Variants in ABCG4 observed in about 807,000 individuals in gnomAD.
The protein encoded by ABCG4 is ATP binding cassette subfamily G member 4, also known as ATP-binding cassette sub-family G member 4.
A neutral mutation model predicts 64.6 loss-of-function variants in ABCG4; 35 were observed. The ratio of observed to expected loss-of-function variants is 0.54; its 90% CI spans 0.41 to 0.72. The LOEUF (loss-of-function observed/expected upper bound fraction) is 0.72, where lower values mean the gene tolerates loss of function less well. Ranked by LOEUF, ABCG4 falls within the 30% of genes least tolerant of loss-of-function variation. ABCG4 has a pLI of 0.00. For missense variants in ABCG4, 610 were observed against 846.3 expected, an observed-to-expected ratio of 0.72 and a Z score of 3.46; for synonymous variants, 326 against 348.2, an observed-to-expected ratio of 0.94 and a Z score of 0.71.
At position 119,158,552 on chromosome 11, in the gene ABCG4, C is replaced by A. The variant is rs758899125; in HGVS notation, c.1168-5C>A. Reference sequence around the variant, plus strand: ...ATCCCTCTCCTGGTGATGACCCCTCCCAAGGTCCTGACCCACCTACGGTTC... The same window carrying A: ...ATCCCTCTCCTGGTGATGACCCCTCACAAGGTCCTGACCCACCTACGGTTC... On this transcript the variant is annotated splice_region_variant and splice_polypyrimidine_tract_variant and intron_variant, in intron 10 of 14. Transcript: ENST00000619701. The surrounding 1 kb of genome is among the most constrained non-coding windows in gnomAD (Gnocchi z 4.5). The A allele has an allele frequency of 6.2e-7, 1 of 1,614,094 alleles. No individual in the cohort carries two copies. The highest frequency in any genetic ancestry group is 1.3e-5 in the African/African-American group (1 of 74,940).
At position 119,156,322 on chromosome 11, in the gene ABCG4, T is replaced by C; in HGVS notation, c.687-7T>C. The C allele has an allele frequency of 6.2e-7, 1 of 1,614,194 alleles. No homozygotes were observed. The highest frequency in any genetic ancestry group is 8.5e-7 in the Non-Finnish European group (1 of 1,180,022). On this transcript the variant is annotated splice_polypyrimidine_tract_variant and splice_region_variant and intron_variant, in intron 6 of 14. Coordinates refer to ENST00000619701, the MANE Select transcript of ABCG4 (RefSeq NM_022169.5). This position sits in a 1 kb window ranked among gnomAD's most constrained non-coding sequence, Gnocchi z 5.5. ...ACGTGGCCCCCTGGTGGCCTCTCTCTGGACAGTGGTCTGGATAGCGCCTCT... is the reference window on the plus strand; with the variant it reads ...ACGTGGCCCCCTGGTGGCCTCTCTCCGGACAGTGGTCTGGATAGCGCCTCT...
At position 119,151,322 on chromosome 11, in the gene ABCG4, A is replaced by G. The variant is rs115010014; in HGVS notation, c.238+1119A>G. On this transcript the variant is annotated intron_variant, in intron 2 of 14. Transcript: ENST00000619701. Reference sequence around the variant, plus strand: ...TTCCATGTGCCAGCCACAGATTGATATCCCTCACCTGGCCCTTCCCTCCTT... The same window carrying G: ...TTCCATGTGCCAGCCACAGATTGATGTCCCTCACCTGGCCCTTCCCTCCTT... Among the ~76,000 whole-genome samples, 914 of 152,238 alleles carry G rather than the reference A, an allele frequency of 6.0e-3. 13 individuals are homozygous for G. The highest frequency in any genetic ancestry group is 0.019 in the African/African-American group (774 of 41,540).
Position 119,160,831 on chromosome 11 carries a change from G to C in ABCG4, c.1716-50G>C, listed in dbSNP as rs778476448. 1.1e-5 allele frequency: 18 copies of C among 1,580,676 alleles called. No homozygotes were observed. In the Admixed American group the frequency reaches 2.7e-4, roughly 24 times the overall value. ...GCTGGGCTCTGGCAGTTTTCTCAGA[G>C]AGCAGGGACCCTGTGTGCTGTATCC... On this transcript the variant is annotated intron_variant, in intron 14 of 14. Transcript: ENST00000619701. This position sits in a 1 kb window ranked among gnomAD's most constrained non-coding sequence, Gnocchi z 4.6.
rs140264299 is a variant in ABCG4 at position 119,158,619 on chromosome 11, C to T, written c.1230C>T (p.Tyr410=). 15 of 1,614,102 alleles carry T rather than the reference C, an allele frequency of 9.3e-6. No homozygotes were observed. The highest frequency in any genetic ancestry group is 2.7e-5 in the African/African-American group (2 of 74,940). The part of the protein sequence containing the change: ...VVIGVLIGLL[Y]LHIGDDASKV... ...TTGGCGTGCTCATCGGCCTCCTCTACCTGCATATTGGCGACGATGCCAGCA... is the reference window on the plus strand; with the variant it reads ...TTGGCGTGCTCATCGGCCTCCTCTATCTGCATATTGGCGACGATGCCAGCA... Residue 410 remains tyrosine (Y), a synonymous_variant, in exon 11 of 15, where the codon TAC becomes TAT. Coordinates refer to ENST00000619701, the MANE Select transcript of ABCG4 (RefSeq NM_022169.5). This position sits in a 1 kb window ranked among gnomAD's most constrained non-coding sequence, Gnocchi z 4.5.
chr11:119,155,155 A>G lies in ABCG4; in HGVS notation c.686+240A>G, dbSNP rs987546031. On this transcript the variant is annotated intron_variant, in intron 6 of 14. Coordinates refer to ENST00000619701, the MANE Select transcript of ABCG4 (RefSeq NM_022169.5). The surrounding 1 kb of genome is among the most constrained non-coding windows in gnomAD (Gnocchi z 4.5). ...GACACCTCCCTCTCCAGTCACCCTC[A>G]GCCATCAGTCACCAAGTCCTGTTGA... Among the ~76,000 whole-genome samples, 1 of 152,106 alleles carries G rather than the reference A, an allele frequency of 6.6e-6. No homozygotes were observed. Among genetic ancestry groups the G allele is most frequent in the Non-Finnish European group, 1.5e-5 (1 of 68,018 alleles).
Position 119,154,439 on chromosome 11 carries a change from G to A in ABCG4, c.489+47G>A, listed in dbSNP as rs750201550. On this transcript the variant is annotated intron_variant, in intron 4 of 14. Transcript: ENST00000619701. The surrounding 1 kb of genome is among the most constrained non-coding windows in gnomAD (Gnocchi z 7.0). ...CTCCTCCCAGCAACCCCCTCTGTCT[G>A]CTGTCGCCACCTTCACCATTGGCGG... 3.1e-6 allele frequency: 5 copies of A among 1,614,110 alleles called. No individual in the cohort carries two copies. The highest frequency in any genetic ancestry group is 4.2e-6 in the Non-Finnish European group (5 of 1,180,016).
Position 119,160,774 on chromosome 11 carries a change from C to G in ABCG4, c.1716-107C>G. 6.7e-7 allele frequency: 1 copy of G among 1,496,094 alleles called. No individual in the cohort carries two copies. The highest frequency in any genetic ancestry group is 1.2e-5 in the South Asian group (1 of 84,818). 92.7% of individuals were successfully genotyped at this position (1,496,094 alleles called of 1,614,324 possible). A position where few individuals can be genotyped will look rare whatever the true frequency, so the allele number is the denominator to read the frequency against. On this transcript the variant is annotated intron_variant, in intron 14 of 14. Coordinates refer to ENST00000619701, the MANE Select transcript of ABCG4 (RefSeq NM_022169.5). This position sits in a 1 kb window ranked among gnomAD's most constrained non-coding sequence, Gnocchi z 4.6. Reference sequence around the variant, plus strand: ...CCCATTATCCTTTGGGCAGGGGCACCCTGGCTGCACCCCAGGGATGACAGC... The same window carrying G: ...CCCATTATCCTTTGGGCAGGGGCACGCTGGCTGCACCCCAGGGATGACAGC...
At position 119,160,776 on chromosome 11, in the gene ABCG4, T is replaced by C. The variant is rs1948338414; in HGVS notation, c.1716-105T>C. On this transcript the variant is annotated intron_variant, in intron 14 of 14. Coordinates refer to ENST00000619701, the MANE Select transcript of ABCG4 (RefSeq NM_022169.5). The surrounding 1 kb of genome is among the most constrained non-coding windows in gnomAD (Gnocchi z 4.6). ...CATTATCCTTTGGGCAGGGGCACCC[T>C]GGCTGCACCCCAGGGATGACAGCAT... The C allele has an allele frequency of 4.0e-6, 6 of 1,497,432 alleles. No homozygotes were observed. The Admixed American group carries it at 8.7e-5, about 22-fold the overall frequency. The allele number at this position is 1,497,432 out of a possible 1,614,324, so 92.8% of individuals were successfully genotyped here.
chr11:119,160,969 C>T lies in ABCG4; in HGVS notation c.1804C>T (p.Pro602Ser). 1 of 1,614,088 alleles carries T rather than the reference C, an allele frequency of 6.2e-7. No individual in the cohort carries two copies. The highest frequency in any genetic ancestry group is 8.5e-7 in the Non-Finnish European group (1 of 1,179,986). The stretch of plus-strand genomic sequence containing the variant: ...AGAGGAACGCTGCCCGTTCCGGGAG[C>T]CACAGAGCATCCTCCGAGCGCTGGA... ...CLEERCPFRE[P>S]QSILRALDVE... The change falls in exon 15 of 15, where the codon CCA becomes TCA. Residue 602 changes from proline to serine, a missense_variant. Transcript: ENST00000619701. This position sits in a 1 kb window ranked among gnomAD's most constrained non-coding sequence, Gnocchi z 4.6.
chr11:119,154,145 T>G lies in ABCG4; in HGVS notation c.356+2T>G. The G allele has an allele frequency of 6.2e-7, 1 of 1,613,814 alleles. No homozygotes were observed. ...CATGAACATCTTGGCAGGATACAGGTAAGGAAGAGACTGGGGTGGAATGGA... is the reference window on the plus strand; with the variant it reads ...CATGAACATCTTGGCAGGATACAGGGAAGGAAGAGACTGGGGTGGAATGGA... On this transcript the variant is annotated splice_donor_variant, in intron 3 of 14. Transcript: ENST00000619701. LOFTEE classifies it high-confidence loss of function. The surrounding 1 kb of genome is among the most constrained non-coding windows in gnomAD (Gnocchi z 7.0).
Position 119,158,974 on chromosome 11 carries a change from G to A in ABCG4, c.1437+45G>A, listed in dbSNP as rs1948308516. 2 of 1,575,570 alleles carry A rather than the reference G, an allele frequency of 1.3e-6. No individual in the cohort carries two copies. Among genetic ancestry groups the A allele is most frequent in the African/African-American group, 2.7e-5 (2 of 74,074 alleles). On this transcript the variant is annotated intron_variant, in intron 12 of 14. Coordinates refer to ENST00000619701, the MANE Select transcript of ABCG4 (RefSeq NM_022169.5). The surrounding 1 kb of genome is among the most constrained non-coding windows in gnomAD (Gnocchi z 4.5). The stretch of plus-strand genomic sequence containing the variant: ...CTGCCCACTGCCTCCATCTTGTCTT[G>A]CTCCTTCTATCCTTGCTTTCTTGCC...
chr11:119,156,247 C>A lies in ABCG4; in HGVS notation c.687-82C>A. 5 of 1,588,554 alleles carry A rather than the reference C, an allele frequency of 3.1e-6. No homozygotes were observed. The Admixed American group carries it at 8.4e-5, about 27-fold the overall frequency. On this transcript the variant is annotated intron_variant, in intron 6 of 14. Coordinates refer to ENST00000619701, the MANE Select transcript of ABCG4 (RefSeq NM_022169.5). This position sits in a 1 kb window ranked among gnomAD's most constrained non-coding sequence, Gnocchi z 5.5. ...CTTCCTGCCAGCTTCATCCCCTTCA[C>A]AGCAGCTGCCCCGCCCCAGACACTC...
In ABCG4 at chr11:119,158,918, G is replaced by A. The variant is rs764288479; in HGVS notation, c.1426G>A (p.Val476Met). 1.5e-5 allele frequency: 24 copies of A among 1,614,032 alleles called. No individual in the cohort carries two copies. Among genetic ancestry groups the A allele is most frequent in the Non-Finnish European group, 1.9e-5 (23 of 1,180,032 alleles). ...AYYLAKTMADVPFQVVCPVVY... is the reference protein window; with the variant it reads ...AYYLAKTMADMPFQVVCPVVY... ...TTACCTGGCCAAGACCATGGCTGAC[G>A]TGCCCTTTCAGGTGGGCCTCTTCCT... The change falls in exon 12 of 15, where the codon GTG (valine) becomes ATG (methionine). Residue 476 changes from valine to methionine, a missense_variant. Physicochemically the swap from Val to Met is conservative, Grantham distance 21. Coordinates refer to ENST00000619701, the MANE Select transcript of ABCG4 (RefSeq NM_022169.5). The surrounding 1 kb of genome is among the most constrained non-coding windows in gnomAD (Gnocchi z 4.5).
At position 119,149,321 on chromosome 11, in the gene ABCG4, C is replaced by G. The variant is rs1456045611; in HGVS notation, c.-55C>G. 1 of 151,996 alleles carries G rather than the reference C, an allele frequency of 6.6e-6. No homozygotes were observed. Among genetic ancestry groups the G allele is most frequent in the East Asian group, 1.9e-4 (1 of 5,140 alleles). The allele number at this position is 151,996 out of a possible 1,614,324, so 9.4% of individuals were successfully genotyped here. On this transcript the variant is annotated 5_prime_UTR_variant, in exon 1 of 15. Coordinates refer to ENST00000619701, the MANE Select transcript of ABCG4 (RefSeq NM_022169.5). This position sits in a 1 kb window ranked among gnomAD's most constrained non-coding sequence, Gnocchi z 8.3. ...GCTCTCCGTCCCCGGTCCGTGGCAG[C>G]GCTGAGCATCCCGGCCCCGCACCGG...
rs1592305610 is a variant in ABCG4 at position 119,155,947 on chromosome 11, A to C, written c.687-382A>C. On this transcript the variant is annotated intron_variant, in intron 6 of 14. Transcript: ENST00000619701. This position sits in a 1 kb window ranked among gnomAD's most constrained non-coding sequence, Gnocchi z 4.5. ...GCTCGCTCAGGAACCTTCTCTGACT[A>C]CCCTCCAACACCTGCTACAGCTGAG... The C allele has an allele frequency of 4.5e-6, 1 of 224,306 alleles. No homozygotes were observed. The highest frequency in any genetic ancestry group is 9.0e-6 in the Non-Finnish European group (1 of 110,896). 13.9% of individuals were successfully genotyped at this position (224,306 alleles called of 1,614,324 possible). A position where few individuals can be genotyped will look rare whatever the true frequency, so the allele number is the denominator to read the frequency against.
At position 119,154,841 on chromosome 11, in the gene ABCG4, G is replaced by A. The variant is rs775806306; in HGVS notation, c.612G>A (p.Gly204=). 5 of 1,613,966 alleles carry A rather than the reference G, an allele frequency of 3.1e-6. No individual in the cohort carries two copies. The Middle Eastern group carries it at 4.9e-4, about 159-fold the overall frequency. The change falls in exon 6 of 15, where the codon GGG becomes GGA. Residue 204 remains glycine, a synonymous_variant. Transcript: ENST00000619701. The surrounding 1 kb of genome is among the most constrained non-coding windows in gnomAD (Gnocchi z 7.0). Reference sequence around the variant, plus strand: ...CGAGGACAGCCCTGCTCTCTGGCGGGCAGAGGAAGCGTCTGGCCATCGCCC... The same window carrying A: ...CGAGGACAGCCCTGCTCTCTGGCGGACAGAGGAAGCGTCTGGCCATCGCCC... The part of the protein sequence containing the change: ...SHTRTALLSG[G]QRKRLAIALE...
intron 9 of ABCG4, among the ~76,000 whole-genome samples, chr11:119,157,964 GATCT>G (rs1180873406): frequency 2.6e-5 from 4 of 152,192 alleles, no homozygotes; most frequent in African/African-American, 9.7e-5. Flanking sequence ...AAAAGTAACC[GATCT>G]ATTATTAGCC....
rs147476271 is a variant in ABCG4, at chr11:119,160,133, G to T, written c.1438-94G>T. On this transcript the variant is annotated intron_variant, in intron 12 of 14. Transcript: ENST00000619701. The surrounding 1 kb of genome is among the most constrained non-coding windows in gnomAD (Gnocchi z 4.6). ...AGGCAGGATGGACACCCTGGGAATA[G>T]GTATTCTAGAGGCCCAGCCTTGGGT... 1.9e-4 allele frequency: 264 copies of T among 1,380,760 alleles called. 1 individual carries two copies. Among genetic ancestry groups the T allele is most frequent in the Non-Finnish European group, 2.4e-4 (241 of 1,009,062 alleles). 85.5% of individuals were successfully genotyped at this position (1,380,760 alleles called of 1,614,324 possible). A position where few individuals can be genotyped will look rare whatever the true frequency, so the allele number is the denominator to read the frequency against.
chr11:119,152,597 G>T (rs1468762566), intron 2 of ABCG4, among the ~76,000 whole-genome samples: 2 of 152,186 alleles, frequency 1.3e-5, no homozygotes, highest in African/African-American at 2.4e-5. Flanking sequence ...TGCCAGCATC[G>T]CAGGCAGGGC....
Sources: gnomAD v4.1 joint callset for allele counts (sites outside exome capture counted in the v4.1 genomes callset) on GRCh38, gnomAD v4.1.1 for gene constraint, Gnocchi (gnomAD v3.1) non-coding constraint, MANE v1.5 for transcripts, NCBI Gene and HGNC (gene_info 2026-07-23, HGNC 2026-07-21) for gene names.